CRPPA: variants seen among roughly 807,000 people sequenced by gnomAD.
CRPPA encodes the protein D-ribitol-5-phosphate cytidylyltransferase.
A neutral mutation model predicts 52.0 loss-of-function variants in CRPPA; 43 were observed. That is an observed-to-expected ratio of 0.83 (90% confidence interval 0.65 to 1.07). The LOEUF is 1.07. CRPPA is among the 50% of genes least tolerant of loss of function. The probability of loss-of-function intolerance (pLI) is 0.00; values close to 1 mark genes in which losing one functional copy is unlikely to be tolerated. For missense variants in CRPPA, 629 were observed against 551.7 expected, an observed-to-expected ratio of 1.14 and a Z score of -1.40; for synonymous variants, 250 against 203.5, an observed-to-expected ratio of 1.23 and a Z score of -1.94.
chr7:16,266,482 CT>C (rs71549980), intron 6 of CRPPA, among the ~76,000 whole-genome samples: 1,489 of 142,742 alleles, frequency 0.01, 24 homozygotes, highest in African/African-American at 0.033. Context: ...TTTTGTTTTT[CT>C]TTTTTTTTTT....
intron 9 of CRPPA, among the ~76,000 whole-genome samples, chr7:16,127,165 T>TAA (rs1782596782): frequency 6.6e-6 from 1 of 152,122 alleles, no homozygotes; most frequent in Non-Finnish European, 1.5e-5. Flanking sequence ...AACTTTTAAT[T>TAA]AGATGCCAAA....
intron 3 of CRPPA, among the ~76,000 whole-genome samples, chr7:16,350,872 G>A (rs957276434): frequency 6.6e-6 from 1 of 152,102 alleles, no homozygotes; most frequent in East Asian, 1.9e-4. Context: ...TCATCTTAAA[G>A]AACACTCAGA....
chr7:16,130,193 T>C (rs1269976669), intron 9 of CRPPA, among the ~76,000 whole-genome samples: 2 of 152,192 alleles, frequency 1.3e-5, no homozygotes, highest in African/African-American at 2.4e-5. Context: ...ATAGATGACA[T>C]TCTGCTTTTT....
At position 16,360,453 on chromosome 7, in the gene CRPPA, T is replaced by TATAA. The variant is rs1786414809; in HGVS notation, c.684+15638_684+15639insTTAT. On this transcript the variant is annotated intron_variant, in intron 3 of 9. Transcript: ENST00000407010. ...ACAAAGTTGGAGGTCTTATACTTCCTCATTTCAAATGTTACTATAAAATCA... is the reference window on the plus strand; with the variant it reads ...ACAAAGTTGGAGGTCTTATACTTCCTATAACATTTCAAATGTTACTATAAAATCA... 4.6e-5 allele frequency among the ~76,000 whole-genome samples: 7 copies of TATAA among 152,296 alleles called. No individual in the cohort carries two copies. The South Asian group carries it at 1.5e-3, about 32-fold the overall frequency.
intron 8 of CRPPA, among the ~76,000 whole-genome samples, chr7:16,238,756 A>C (rs1783019511): frequency 6.6e-6 from 1 of 151,944 alleles, no homozygotes; most frequent in South Asian, 2.1e-4. Flanking sequence ...TATTCTGCTA[A>C]ATCTACACAT....
chr7:16,254,246 C>T (rs1783549340), intron 8 of CRPPA, among the ~76,000 whole-genome samples: 1 of 152,066 alleles, frequency 6.6e-6, no homozygotes, highest in African/African-American at 2.4e-5. Flanking sequence ...GGGTATATAC[C>T]CAAAAGATTA....
intron 9 of CRPPA, among the ~76,000 whole-genome samples, chr7:16,169,686 C>A (rs1426481259): frequency 6.6e-6 from 1 of 152,156 alleles, no homozygotes; most frequent in Non-Finnish European, 1.5e-5. Flanking sequence ...AAATGAAGTT[C>A]TTTTTGTGCT....
At chr7:16,137,010 C>G (rs1404246114) in intron 9 of CRPPA, among the ~76,000 whole-genome samples, 2 of 152,204 alleles carry the variant, frequency 1.3e-5, no homozygotes, top group African/African-American at 4.8e-5. Flanking sequence ...CTGAGATGCT[C>G]AACTCTTGCA....
chr7:16,219,896 C>A (rs1312946871), intron 8 of CRPPA, among the ~76,000 whole-genome samples: 1 of 149,524 alleles, frequency 6.7e-6, no homozygotes, highest in Non-Finnish European at 1.5e-5. Flanking sequence ...CCTTCTGAAA[C>A]TATTCCAATC....
At chr7:16,244,430 G>C (rs1170374080) in intron 8 of CRPPA, among the ~76,000 whole-genome samples, 1 of 152,066 alleles carries the variant, frequency 6.6e-6, no homozygotes, top group Non-Finnish European at 1.5e-5. Context: ...ATATAGATGA[G>C]GTTCAAAGTT....
At chr7:16,398,027 C>A (rs1047566965) in intron 2 of CRPPA, among the ~76,000 whole-genome samples, 4 of 152,250 alleles carry the variant, frequency 2.6e-5, no homozygotes, top group Non-Finnish European at 5.9e-5. Flanking sequence ...ACATGATCAA[C>A]ACGTAATCAA....
intron 8 of CRPPA, among the ~76,000 whole-genome samples, chr7:16,245,301 ACT>A (rs774919852): frequency 6.6e-6 from 1 of 152,124 alleles, no homozygotes; most frequent in African/African-American, 2.4e-5. Context: ...CTTTCATTTT[ACT>A]CTTTTATAAT....
intron 9 of CRPPA, among the ~76,000 whole-genome samples, chr7:16,173,243 C>G (rs1325267523): frequency 2.0e-5 from 3 of 152,180 alleles, no homozygotes; most frequent in East Asian, 1.9e-4. Context: ...ATTCATTAAT[C>G]AAGTGCCATA....
intron 2 of CRPPA, among the ~76,000 whole-genome samples, chr7:16,400,000 CAT>C (rs1422010384): frequency 4.6e-5 from 7 of 152,210 alleles, no homozygotes; most frequent in Non-Finnish European, 8.8e-5. Flanking sequence ...ACGCATTTGA[CAT>C]GTGACTGACT....
At chr7:16,173,791 C>T (rs1781240779) in intron 9 of CRPPA, among the ~76,000 whole-genome samples, 1 of 151,986 alleles carries the variant, frequency 6.6e-6, no homozygotes, top group Non-Finnish European at 1.5e-5. Context: ...TGAGATATAC[C>T]ACGCCACTGA....
At chr7:16,397,107 A>G (rs1787604318) in intron 2 of CRPPA, among the ~76,000 whole-genome samples, 1 of 152,234 alleles carries the variant, frequency 6.6e-6, no homozygotes, top group Admixed American at 6.5e-5. Context: ...GTGAAATAAG[A>G]CACGTGGACA....
At chr7:16,321,864 G>A (rs1316703618) in intron 3 of CRPPA, among the ~76,000 whole-genome samples, 1 of 152,096 alleles carries the variant, frequency 6.6e-6, no homozygotes, top group Non-Finnish European at 1.5e-5. Context: ...TGGAAAATTT[G>A]CCAGGCAATA....
At chr7:16,254,796 A>AGAAAGAAAGAAAGAAAGAAAGAAAGAAG (rs1783576302) in intron 8 of CRPPA, among the ~76,000 whole-genome samples, 14 of 49,624 alleles carry the variant, frequency 2.8e-4, no homozygotes, top group African/African-American at 9.5e-4. Context: ...AAAGAAGGAA[A>AGAAAGAAAGAAAGAAAGAAAGAAAGAAG]GAAAGAAAGA....
chr7:16,287,033 T>C (rs1784465844), intron 5 of CRPPA, among the ~76,000 whole-genome samples: 1 of 152,218 alleles, frequency 6.6e-6, no homozygotes, highest in South Asian at 2.1e-4. Context: ...AGTGCTCATG[T>C]CATACTATAT....
Sources: gnomAD v4.1 joint callset for allele counts (sites outside exome capture counted in the v4.1 genomes callset) on GRCh38, gnomAD v4.1.1 for gene constraint, MANE v1.5 for transcripts, NCBI Gene and HGNC (gene_info 2026-07-23, HGNC 2026-07-21) for gene names.